The following IMMP2L variants were observed in gnomAD, a reference collection of about 807,000 sequenced individuals.
The protein encoded by IMMP2L is mitochondrial inner membrane protease subunit 2.
Under a neutral mutation model 19.3 loss-of-function variants are expected in IMMP2L, and 18 were observed. The observed-to-expected ratio is 0.93, with a 90% CI of 0.64 to 1.38. IMMP2L has a LOEUF of 1.38. IMMP2L is among the 40% of genes most tolerant of loss of function. The pLI, the probability that IMMP2L is intolerant of heterozygous loss-of-function variation, is 0.00. For missense variants in IMMP2L, 233 were observed against 218.2 expected (o/e 1.07, Z -0.43); for synonymous variants, 76 against 73.0 (o/e 1.04, Z -0.21).
intron 2 of IMMP2L, among the ~76,000 whole-genome samples, chr7:111,491,997 T>C (rs1039580474): frequency 6.6e-6 from 1 of 152,044 alleles, no homozygotes; most frequent in African/African-American, 2.4e-5. Context: ...TTTTTGAAGT[T>C]TGTGACCACA....
intron 4 of IMMP2L, among the ~76,000 whole-genome samples, chr7:110,952,664 A>G (rs1817952228): frequency 2.0e-5 from 3 of 152,134 alleles, no homozygotes; most frequent in South Asian, 2.1e-4. Flanking sequence ...AGATGTGGAT[A>G]AGGATAAAGC....
intron 4 of IMMP2L, among the ~76,000 whole-genome samples, chr7:110,930,143 A>G (rs1344896481): frequency 6.6e-6 from 1 of 152,170 alleles, no homozygotes; most frequent in Non-Finnish European, 1.5e-5. Flanking sequence ...GTGCTTTAAC[A>G]TGGCACAACA....
chr7:111,076,441 T>G (rs540078072), intron 3 of IMMP2L, among the ~76,000 whole-genome samples: 3 of 152,126 alleles, frequency 2.0e-5, no homozygotes, highest in Non-Finnish European at 4.4e-5. Context: ...GATTTTTTGT[T>G]TTTTGGCCCC....
At chr7:111,266,674 T>TTACA (rs1817873340) in intron 3 of IMMP2L, among the ~76,000 whole-genome samples, 1 of 152,102 alleles carries the variant, frequency 6.6e-6, no homozygotes, top group Admixed American at 6.6e-5. Flanking sequence ...CTAACTGAAC[T>TTACA]TACATACACC....
intron 3 of IMMP2L, among the ~76,000 whole-genome samples, chr7:111,030,794 G>GGA (rs143341396): frequency 6.7e-6 from 1 of 150,082 alleles, no homozygotes; most frequent in Non-Finnish European, 1.5e-5. Context: ...ATATATATGT[G>GGA]TATGTGTGTA....
At chr7:111,233,921 C>T (rs1813997892) in intron 3 of IMMP2L, among the ~76,000 whole-genome samples, 3 of 152,100 alleles carry the variant, frequency 2.0e-5, no homozygotes, top group African/African-American at 4.8e-5. Context: ...AGCACCATCT[C>T]GCAAAGTAAA....
intron 3 of IMMP2L, among the ~76,000 whole-genome samples, chr7:111,255,382 G>C (rs1273323671): frequency 6.6e-6 from 1 of 151,964 alleles, no homozygotes. Flanking sequence ...TGGTGGGAGA[G>C]GTAGTGAGAG....
intron 3 of IMMP2L, among the ~76,000 whole-genome samples, chr7:111,355,475 G>C (rs897551639): frequency 4.6e-5 from 7 of 151,516 alleles, no homozygotes; most frequent in Non-Finnish European, 1.0e-4. Flanking sequence ...TATAGAATCT[G>C]TGTATATCCT....
intron 3 of IMMP2L, among the ~76,000 whole-genome samples, chr7:111,133,447 T>C (rs1026608393): frequency 1.3e-5 from 2 of 152,056 alleles, no homozygotes; most frequent in African/African-American, 4.8e-5. Context: ...GGCATGAAGA[T>C]ACTAATAGGC....
intron 5 of IMMP2L, among the ~76,000 whole-genome samples, chr7:110,786,446 T>A (rs1355314830): frequency 3.3e-5 from 5 of 151,982 alleles, no homozygotes. Flanking sequence ...GGCTACAGTT[T>A]TGTGAAATTG....
rs1800935065 is a variant in IMMP2L, at chr7:111,123,720, T to C, written c.240-160155A>G. ...TGCCAGATTTAAGAAAAATAGAAGC[T>C]ACTAACAACCCTAGATTGTCTTACA... On this transcript the variant is annotated intron_variant, in intron 3 of 5. Coordinates refer to ENST00000405709, the MANE Select transcript of IMMP2L (RefSeq NM_032549.4). This position sits in a 1 kb window ranked among gnomAD's most constrained non-coding sequence, Gnocchi z 6.4. 1 of 1,613,900 alleles carries C rather than the reference T, an allele frequency of 6.2e-7. No individual in the cohort carries two copies. Among genetic ancestry groups the C allele is most frequent in the Non-Finnish European group, 8.5e-7 (1 of 1,179,900 alleles).
rs561944680 is a variant in IMMP2L at position 111,446,892 on chromosome 7, G to A, written c.239+40346C>T. 6.2e-3 allele frequency among the ~76,000 whole-genome samples: 932 copies of A among 150,652 alleles called. 6 individuals carry two copies. Among genetic ancestry groups the A allele is most frequent in the Non-Finnish European group, 8.0e-3 (539 of 67,716 alleles). The stretch of plus-strand genomic sequence containing the variant: ...CTGATGGAGCTGAAAACCAAGGCTC[G>A]AGAACTACGTGAAGAATGCAGAAGC... On this transcript the variant is annotated intron_variant, in intron 3 of 5. Transcript: ENST00000405709.
At chr7:111,160,917 T>C (rs1442064662) in intron 3 of IMMP2L, among the ~76,000 whole-genome samples, 1 of 151,444 alleles carries the variant, frequency 6.6e-6, no homozygotes, top group Non-Finnish European at 1.5e-5. Context: ...AAAGGTAACA[T>C]AATCAGAGAT....
intron 4 of IMMP2L, among the ~76,000 whole-genome samples, chr7:110,900,824 C>T (rs1448922546): frequency 2.0e-5 from 3 of 151,924 alleles, no homozygotes; most frequent in Non-Finnish European, 2.9e-5. Context: ...GAGGGTGGGT[C>T]GGGGTGGTGG....
intron 3 of IMMP2L, among the ~76,000 whole-genome samples, chr7:111,118,660 T>C (rs1306693087): frequency 6.6e-6 from 1 of 152,092 alleles, no homozygotes; most frequent in African/African-American, 2.4e-5. Flanking sequence ...TATAAAGCAC[T>C]AAGAAGATAC....
At chr7:111,157,458 G>A (rs945461751) in intron 3 of IMMP2L, among the ~76,000 whole-genome samples, 3 of 152,072 alleles carry the variant, frequency 2.0e-5, no homozygotes, top group Non-Finnish European at 2.9e-5. Flanking sequence ...ATTATGTTAA[G>A]TGAAATAAAC....
intron 4 of IMMP2L, among the ~76,000 whole-genome samples, chr7:110,893,532 A>G (rs2129546362): frequency 6.6e-6 from 1 of 152,338 alleles, no homozygotes; most frequent in Admixed American, 6.5e-5. Context: ...ACAATAGTTC[A>G]TGAACACTTT....
chr7:110,816,911 T>A (rs73417302), intron 5 of IMMP2L, among the ~76,000 whole-genome samples: 13,705 of 152,198 alleles, frequency 0.09, 959 homozygotes, highest in African/African-American at 0.19. Flanking sequence ...GGGTCTTGAC[T>A]CTTTATCCAA....
At chr7:111,411,387 A>G (rs942481566) in intron 3 of IMMP2L, 3 of 473,168 alleles carry the variant, frequency 6.3e-6, no homozygotes, top group Non-Finnish European at 1.3e-5. Flanking sequence ...AGTTCAAAAA[A>G]AGGGGTCCCC....
Sources: gnomAD v4.1 joint callset for allele counts (sites outside exome capture counted in the v4.1 genomes callset) on GRCh38, gnomAD v4.1.1 for gene constraint, Gnocchi (gnomAD v3.1) non-coding constraint, MANE v1.5 for transcripts, NCBI Gene and HGNC (gene_info 2026-07-23, HGNC 2026-07-21) for gene names.